PEX5L: variants seen among roughly 807,000 people sequenced by gnomAD.
PEX5L encodes PEX5-related protein.
Under a neutral mutation model 84.0 loss-of-function variants are expected in PEX5L, and 30 were observed. The observed-to-expected ratio is 0.36, with a 90% confidence interval of 0.27 to 0.48. The LOEUF (loss-of-function observed/expected upper bound fraction) is 0.48, where lower values mean the gene tolerates loss of function less well. Ranked by LOEUF, PEX5L falls within the 20% of genes least tolerant of loss-of-function variation. PEX5L has a pLI of 0.99. For missense variants in PEX5L, 533 were observed against 754.6 expected, an observed-to-expected ratio of 0.71 and a Z score of 3.44; for synonymous variants, 270 against 283.1, an observed-to-expected ratio of 0.95 and a Z score of 0.46.
At chr3:179,991,771 C>T (rs894511824) in intron 1 of PEX5L, among the ~76,000 whole-genome samples, 3 of 152,106 alleles carry the variant, frequency 2.0e-5, no homozygotes, top group African/African-American at 7.2e-5. Flanking sequence ...AACACTATAC[C>T]ATCCATTCTC....
rs377232613 is a variant in PEX5L, at chr3:180,007,529, G to A, written c.21+29050C>T. Among the ~76,000 whole-genome samples, 17 of 152,354 alleles carry A rather than the reference G, an allele frequency of 1.1e-4. No homozygotes were observed. In the East Asian group the frequency reaches 3.1e-3, roughly 28 times the overall value. On this transcript the variant is annotated intron_variant, in intron 1 of 14. Coordinates refer to ENST00000467460, the MANE Select transcript of PEX5L (RefSeq NM_016559.3). Reference sequence around the variant, plus strand: ...CCCAGTAGGGACTCCTAGTGTGGGAGTTCCTAGTGTGGGAGCTCCCACCCC... The same window carrying A: ...CCCAGTAGGGACTCCTAGTGTGGGAATTCCTAGTGTGGGAGCTCCCACCCC...
intron 1 of PEX5L, among the ~76,000 whole-genome samples, chr3:180,027,055 TAG>T (rs1366318937): frequency 6.6e-6 from 1 of 152,170 alleles, no homozygotes; most frequent in East Asian, 1.9e-4. Flanking sequence ...GTAGCCATGG[TAG>T]AGAGTCCATC....
intron 8 of PEX5L, among the ~76,000 whole-genome samples, chr3:179,834,381 C>A (rs1734222553): frequency 6.6e-6 from 1 of 152,224 alleles, no homozygotes; most frequent in Admixed American, 6.5e-5. Context: ...CTGCAGGAAT[C>A]TCTGAGGGAC....
chr3:179,867,178 A>C (rs983971818), intron 7 of PEX5L, among the ~76,000 whole-genome samples: 14 of 152,122 alleles, frequency 9.2e-5, no homozygotes, highest in African/African-American at 3.4e-4. Flanking sequence ...ATGTTGAAGA[A>C]TATTGAGGCA....
intron 2 of PEX5L, among the ~76,000 whole-genome samples, chr3:179,916,937 T>A (rs1007697452): frequency 6.6e-6 from 1 of 151,964 alleles, no homozygotes; most frequent in Non-Finnish European, 1.5e-5. Context: ...CCTAAAGTGC[T>A]GGGATTACAG....
In PEX5L at chr3:179,830,142, G is replaced by A. The variant is rs148737628; in HGVS notation, c.823-10166C>T. 2.9e-3 allele frequency among the ~76,000 whole-genome samples: 441 copies of A among 151,762 alleles called. 1 individual carries two copies. Among genetic ancestry groups the A allele is most frequent in the Admixed American group, 4.5e-3 (69 of 15,248 alleles). ...CCATATAGATACTACCTTTTACTTT[G>A]TGGAAATAGTATTTTCCTCTCATTC... On this transcript the variant is annotated intron_variant, in intron 8 of 14. Transcript: ENST00000467460.
chr3:179,849,745 G>A (rs749792445), intron 8 of PEX5L, among the ~76,000 whole-genome samples: 1 of 152,206 alleles, frequency 6.6e-6, no homozygotes, highest in Non-Finnish European at 1.5e-5. Flanking sequence ...CTCACATAGA[G>A]TTTATGTCTT....
chr3:179,797,600 AAAAAAAT>A lies in PEX5L; in HGVS notation c.*4221_*4227del, dbSNP rs1176799019. On this transcript the variant is annotated 3_prime_UTR_variant, in exon 15 of 15. Transcript: ENST00000467460. Reference sequence around the variant, plus strand: ...CTATGAACACTCTTTAAAAAAAAAAAAAAAAATATATATATATATATATATATATATC... The same window carrying A: ...CTATGAACACTCTTTAAAAAAAAAAAATATATATATATATATATATATATC... 3.6e-4 allele frequency: 39 copies of A among 109,858 alleles called. No homozygotes were observed. Among genetic ancestry groups the A allele is most frequent in the African/African-American group, 1.2e-3 (32 of 25,972 alleles). 6.8% of individuals were successfully genotyped at this position (109,858 alleles called of 1,614,324 possible). A position where few individuals can be genotyped will look rare whatever the true frequency, so the allele number is the denominator to read the frequency against.
chr3:179,829,304 T>G (rs756626024), intron 8 of PEX5L, among the ~76,000 whole-genome samples: 3 of 152,222 alleles, frequency 2.0e-5, no homozygotes, highest in Non-Finnish European at 2.9e-5. Context: ...ATAAAGAAAT[T>G]GTTTTCTGAT....
intron 1 of PEX5L, among the ~76,000 whole-genome samples, chr3:179,989,323 A>C (rs1787168450): frequency 6.6e-6 from 1 of 152,212 alleles, no homozygotes; most frequent in Non-Finnish European, 1.5e-5. Flanking sequence ...TTTTGAACAG[A>C]GTTCCTATAT....
chr3:179,947,783 C>T (rs529636217), intron 2 of PEX5L, among the ~76,000 whole-genome samples: 6 of 151,208 alleles, frequency 4.0e-5, no homozygotes, highest in East Asian at 3.9e-4. Context: ...CTCCACTCAC[C>T]GCAAGCTCTG....
rs916324107 is a variant in PEX5L, at chr3:179,949,217, TAAAA to T, written c.93+22373_93+22376del. Among the ~76,000 whole-genome samples, 867 of 151,066 alleles carry T rather than the reference TAAAA, an allele frequency of 5.7e-3. 7 individuals are homozygous for T. The highest frequency in any genetic ancestry group is 0.02 in the African/African-American group (830 of 41,218). On this transcript the variant is annotated intron_variant, in intron 2 of 14. Transcript: ENST00000467460. ...AGTACAGAACTGAAGAGTAGATTTT[TAAAA>T]AAAAAATAAGTAGTTTTAAAAACCA...
At chr3:179,933,051 C>T (rs1773548712) in intron 2 of PEX5L, among the ~76,000 whole-genome samples, 2 of 152,218 alleles carry the variant, frequency 1.3e-5, no homozygotes, top group South Asian at 4.1e-4. Context: ...CACCATCCTG[C>T]TCTCTGCTTC....
chr3:180,006,629 A>T (rs1788921307), intron 1 of PEX5L, among the ~76,000 whole-genome samples: 1 of 152,206 alleles, frequency 6.6e-6, no homozygotes, highest in Non-Finnish European at 1.5e-5. Context: ...GAAGAAAAAG[A>T]GGTTTAATTG....
chr3:179,831,304 G>A (rs1577363387), intron 8 of PEX5L, among the ~76,000 whole-genome samples: 2 of 150,218 alleles, frequency 1.3e-5, no homozygotes, highest in East Asian at 3.9e-4. Context: ...TGGGTGACAG[G>A]GCGAGACTCT....
intron 8 of PEX5L, among the ~76,000 whole-genome samples, chr3:179,847,265 T>C (rs1440867073): frequency 6.6e-6 from 1 of 152,002 alleles, no homozygotes; most frequent in East Asian, 1.9e-4. Context: ...GATAACTGTA[T>C]ATTGATTGAT....
At chr3:179,893,903 T>C (rs949918463) in intron 3 of PEX5L, among the ~76,000 whole-genome samples, 1 of 152,090 alleles carries the variant, frequency 6.6e-6, no homozygotes, top group Non-Finnish European at 1.5e-5. Context: ...CAAATATCTT[T>C]GTGAGTTTTG....
chr3:179,968,032 G>T (rs1783791472), intron 2 of PEX5L, among the ~76,000 whole-genome samples: 2 of 152,026 alleles, frequency 1.3e-5, no homozygotes, highest in African/African-American at 4.8e-5. Flanking sequence ...TGCACTAAAG[G>T]CTATGAAACT....
rs151323608 is a variant in PEX5L at position 180,024,371 on chromosome 3, T to C, written c.21+12208A>G. Among the ~76,000 whole-genome samples the C allele has an allele frequency of 1.6e-3, 147 of 90,904 alleles. 3 individuals are homozygous for C. The highest frequency in any genetic ancestry group is 5.3e-3 in the African/African-American group (63 of 11,974). 59.6% of individuals were successfully genotyped at this position (90,904 alleles called of 152,430 possible). A position where few individuals can be genotyped will look rare whatever the true frequency, so the allele number is the denominator to read the frequency against. On this transcript the variant is annotated intron_variant, in intron 1 of 14. Coordinates refer to ENST00000467460, the MANE Select transcript of PEX5L (RefSeq NM_016559.3). ...AAATATATATATATATATATATATATATACACACACAAAAAAAAAAAAAAT... is the reference window on the plus strand; with the variant it reads ...AAATATATATATATATATATATATACATACACACACAAAAAAAAAAAAAAT...
Sources: gnomAD v4.1 joint callset for allele counts (sites outside exome capture counted in the v4.1 genomes callset) on GRCh38, gnomAD v4.1.1 for gene constraint, MANE v1.5 for transcripts, NCBI Gene and HGNC (gene_info 2026-07-23, HGNC 2026-07-21) for gene names.